SNTG1: variants seen among roughly 807,000 people sequenced by gnomAD.
SNTG1 encodes the protein gamma-1-syntrophin.
A neutral mutation model predicts 74.7 loss-of-function variants in SNTG1; 39 were observed. The ratio of observed to expected loss-of-function variants is 0.52; its 90% CI spans 0.40 to 0.68. The LOEUF is 0.68. Among genes scored for constraint, SNTG1 ranks in the 30% least tolerant of loss-of-function variants. The pLI is 0.00. For missense variants in SNTG1, 685 were observed against 609.5 expected, an observed-to-expected ratio of 1.12 and a Z score of -1.30; for synonymous variants, 254 against 217.1, an observed-to-expected ratio of 1.17 and a Z score of -1.49.
intron 8 of SNTG1, among the ~76,000 whole-genome samples, chr8:50,472,626 T>C (rs931484955): frequency 6.6e-6 from 1 of 152,112 alleles, no homozygotes; most frequent in South Asian, 2.1e-4. Flanking sequence ...AATTTTTGGA[T>C]GGAACACCAA....
chr8:50,742,146 T>C (rs2095544924), intron 17 of SNTG1, among the ~76,000 whole-genome samples: 1 of 151,890 alleles, frequency 6.6e-6, no homozygotes, highest in Non-Finnish European at 1.5e-5. Context: ...TTTAAAAAAA[T>C]CATACACACA....
chr8:49,945,502 T>C (rs947090850), intron 1 of SNTG1, among the ~76,000 whole-genome samples: 1 of 152,232 alleles, frequency 6.6e-6, no homozygotes, highest in African/African-American at 2.4e-5. Context: ...CCAGTAATGC[T>C]GCCTTATAAA....
intron 2 of SNTG1, among the ~76,000 whole-genome samples, chr8:50,369,938 A>G (rs1444959340): frequency 6.6e-6 from 1 of 152,202 alleles, no homozygotes. Context: ...AAAGATGCCA[A>G]TGACTCTATT....
intron 2 of SNTG1, among the ~76,000 whole-genome samples, chr8:50,392,723 G>A (rs1302651932): frequency 1.3e-5 from 2 of 151,794 alleles, no homozygotes; most frequent in Non-Finnish European, 2.9e-5. Context: ...TGATGAAAAA[G>A]AATAGAAGAT....
chr8:50,464,410 A>G (rs1431777222), intron 8 of SNTG1, among the ~76,000 whole-genome samples: 1 of 152,106 alleles, frequency 6.6e-6, no homozygotes, highest in Non-Finnish European at 1.5e-5. Flanking sequence ...TTTCACTTGA[A>G]CACTTACAGG....
chr8:50,370,950 G>T (rs1299783681), intron 2 of SNTG1, among the ~76,000 whole-genome samples: 2 of 152,068 alleles, frequency 1.3e-5, no homozygotes, highest in Non-Finnish European at 2.9e-5. Context: ...ATTCTATTAG[G>T]GAGGATTTTA....
chr8:50,561,275 C>T (rs898951556), intron 12 of SNTG1, among the ~76,000 whole-genome samples: 4 of 152,134 alleles, frequency 2.6e-5, no homozygotes, highest in Non-Finnish European at 5.9e-5. Flanking sequence ...TTGTAAGTTT[C>T]CTGAGGCCTC....
At chr8:50,090,260 A>T (rs2079670366) in intron 1 of SNTG1, among the ~76,000 whole-genome samples, 1 of 152,156 alleles carries the variant, frequency 6.6e-6, no homozygotes, top group African/African-American at 2.4e-5. Flanking sequence ...GCTTAAATAA[A>T]AGGGGAATTG....
At chr8:50,222,205 G>GT (rs1330982253) in intron 2 of SNTG1, among the ~76,000 whole-genome samples, 1 of 152,146 alleles carries the variant, frequency 6.6e-6, no homozygotes, top group Non-Finnish European at 1.5e-5. Flanking sequence ...ATAATGGCTG[G>GT]TAATCATTTA....
At chr8:50,371,627 A>T (rs1267166218) in intron 2 of SNTG1, among the ~76,000 whole-genome samples, 1 of 152,124 alleles carries the variant, frequency 6.6e-6, no homozygotes, top group Non-Finnish European at 1.5e-5. Flanking sequence ...TAAAAAGGCA[A>T]TTTTTTAGGT....
At chr8:50,143,582 G>A (rs1353235908) in intron 1 of SNTG1, among the ~76,000 whole-genome samples, 3 of 152,104 alleles carry the variant, frequency 2.0e-5, no homozygotes, top group South Asian at 4.1e-4. Flanking sequence ...AGATAGTCTC[G>A]TACTTTTAAA....
At chr8:50,256,576 A>C (rs562196358) in intron 2 of SNTG1, among the ~76,000 whole-genome samples, 1 of 152,072 alleles carries the variant, frequency 6.6e-6, no homozygotes, top group Non-Finnish European at 1.5e-5. Flanking sequence ...AGCAGAATTG[A>C]GGGAAATCCA....
intron 2 of SNTG1, among the ~76,000 whole-genome samples, chr8:50,347,434 A>G (rs2130975653): frequency 6.6e-6 from 1 of 152,374 alleles, no homozygotes; most frequent in East Asian, 1.9e-4. Context: ...ATTGACAATG[A>G]ACTTGATCAC....
intron 1 of SNTG1, among the ~76,000 whole-genome samples, chr8:50,152,991 G>A (rs2082122359): frequency 6.6e-6 from 1 of 152,210 alleles, no homozygotes; most frequent in Admixed American, 6.5e-5. Flanking sequence ...ATAATATCAT[G>A]AGGAGTGTTT....
chr8:50,015,014 GA>G (rs968461972), intron 1 of SNTG1, among the ~76,000 whole-genome samples: 100 of 136,658 alleles, frequency 7.3e-4, no homozygotes, highest in East Asian at 1.1e-3. Context: ...CACATGCACA[GA>G]AAAAAAAAAA....
chr8:50,761,542 C>T (rs2095598918), intron 18 of SNTG1, among the ~76,000 whole-genome samples: 1 of 151,532 alleles, frequency 6.6e-6, no homozygotes, highest in South Asian at 2.1e-4. Flanking sequence ...GCAAGTTAGG[C>T]TCAGGTTACC....
At position 50,635,477 on chromosome 8, in the gene SNTG1, G is replaced by A. The variant is rs557518816; in HGVS notation, c.850-21432G>A. Among the ~76,000 whole-genome samples, 10 of 152,246 alleles carry A rather than the reference G, an allele frequency of 6.6e-5. No individual in the cohort carries two copies. The East Asian group carries it at 7.8e-4, about 12-fold the overall frequency. Reference sequence around the variant, plus strand: ...AAATTTACCTGGTGCTCTACTCTACGGCAGCTGAGCCAGCAGCCAAAATGC... The same window carrying A: ...AAATTTACCTGGTGCTCTACTCTACAGCAGCTGAGCCAGCAGCCAAAATGC... On this transcript the variant is annotated intron_variant, in intron 13 of 18. Coordinates refer to ENST00000642720, the MANE Select transcript of SNTG1 (RefSeq NM_018967.5).
intron 17 of SNTG1, among the ~76,000 whole-genome samples, chr8:50,745,663 G>T (rs908487641): frequency 4.0e-5 from 6 of 151,842 alleles, no homozygotes; most frequent in African/African-American, 1.5e-4. Flanking sequence ...CTCAAGTGTC[G>T]GTCGATAAAT....
intron 4 of SNTG1, among the ~76,000 whole-genome samples, chr8:50,417,704 C>A (rs1017864386): frequency 6.6e-6 from 1 of 152,154 alleles, no homozygotes; most frequent in Non-Finnish European, 1.5e-5. Context: ...CTCTCCCATT[C>A]TCACTCCAAG....
Sources: allele counts gnomAD v4.1 joint callset (sites outside exome capture counted in the v4.1 genomes callset), GRCh38; gene constraint gnomAD v4.1.1; transcripts MANE v1.5; gene names NCBI Gene and HGNC (gene_info 2026-07-23, HGNC 2026-07-21).